Variants in AGMO observed in about 807,000 individuals in gnomAD.
The protein encoded by AGMO is alkylglycerol monooxygenase.
A neutral mutation model predicts 60.2 loss-of-function variants in AGMO; 75 were observed. The ratio of observed to expected loss-of-function variants is 1.25; its 90% CI spans 1.03 to 1.51. The LOEUF (loss-of-function observed/expected upper bound fraction) is 1.51. Ranked by LOEUF, AGMO falls within the 40% of genes most tolerant of loss-of-function variation. AGMO has a pLI of 0.00. For synonymous variants in AGMO, 261 were observed against 177.1 expected (o/e 1.47, Z -3.76); for missense variants, 763 against 525.5 (o/e 1.45, Z -4.42).
intron 12 of AGMO, among the ~76,000 whole-genome samples, chr7:15,276,739 A>G (rs946749628): frequency 5.3e-5 from 8 of 152,016 alleles, no homozygotes; most frequent in Non-Finnish European, 1.2e-4. Context: ...TATTTTTAAA[A>G]TCCTCTTTTC....
At chr7:15,543,359 C>G (rs892028834) in intron 3 of AGMO, among the ~76,000 whole-genome samples, 4 of 152,144 alleles carry the variant, frequency 2.6e-5, no homozygotes, top group Admixed American at 2.0e-4. Flanking sequence ...CTTCCATTTC[C>G]CTTTCTATAA....
At chr7:15,540,772 T>C (rs753782702) in intron 3 of AGMO, among the ~76,000 whole-genome samples, 1 of 152,242 alleles carries the variant, frequency 6.6e-6, no homozygotes, top group Non-Finnish European at 1.5e-5. Context: ...TTATATACTA[T>C]AGCATTCTGC....
At chr7:15,282,899 G>A (rs1784008207) in intron 12 of AGMO, among the ~76,000 whole-genome samples, 1 of 152,168 alleles carries the variant, frequency 6.6e-6, no homozygotes, top group South Asian at 2.1e-4. Flanking sequence ...CTTCTCAGCA[G>A]AAACCTTACA....
chr7:15,188,114 T>G, the AGMO span, among the ~76,000 whole-genome samples: 2 of 152,148 alleles, frequency 1.3e-5, no homozygotes, highest in Middle Eastern at 3.2e-3. Context: ...TTGGGTAGAC[T>G]GGTATGGGTC....
intron 10 of AGMO, among the ~76,000 whole-genome samples, chr7:15,370,864 C>T (rs1189150189): frequency 6.6e-6 from 1 of 152,122 alleles, no homozygotes; most frequent in Admixed American, 6.6e-5. Context: ...TTGATAGTTT[C>T]TTTTGCTGTG....
At chr7:15,191,217 C>T in the AGMO span, among the ~76,000 whole-genome samples, 1 of 151,982 alleles carries the variant, frequency 6.6e-6, no homozygotes, top group African/African-American at 2.4e-5. Flanking sequence ...AAATTTTAGA[C>T]CATTCAAGGA....
the AGMO span, among the ~76,000 whole-genome samples, chr7:15,172,528 C>T: frequency 7.9e-5 from 12 of 152,252 alleles, no homozygotes; most frequent in African/African-American, 2.6e-4. Flanking sequence ...TAAAACCTGC[C>T]ATGTGACTTA....
chr7:15,127,420 G>A, the AGMO span, among the ~76,000 whole-genome samples: 3 of 151,904 alleles, frequency 2.0e-5, no homozygotes, highest in African/African-American at 7.3e-5. Flanking sequence ...CGAGTAATAC[G>A]TAAATAAATC....
At chr7:15,266,915 T>C (rs1783448722) in intron 12 of AGMO, among the ~76,000 whole-genome samples, 1 of 151,842 alleles carries the variant, frequency 6.6e-6, no homozygotes, top group Non-Finnish European at 1.5e-5. Context: ...GACTAGCCAA[T>C]TGTCGAAATT....
rs570511243 is a variant in AGMO, at chr7:15,203,555, C to G, written c.1264-2196G>C. 1.3e-3 allele frequency among the ~76,000 whole-genome samples: 195 copies of G among 150,824 alleles called. 1 individual carries two copies. Among genetic ancestry groups the G allele is most frequent in the African/African-American group, 4.6e-3 (190 of 41,132 alleles). ...TGTTTCAGGCTCCTATGTGTTATCC[C>G]TTCAAAGAGATGTACAACTGGTTAA... is the stretch of plus-strand genomic sequence containing the variant. On this transcript the variant is annotated intron_variant, in intron 12 of 12. Transcript: ENST00000342526.
chr7:15,159,856 T>G, the AGMO span, among the ~76,000 whole-genome samples: 33 of 152,316 alleles, frequency 2.2e-4, no homozygotes, highest in Non-Finnish European at 4.1e-4. Context: ...GTCCTGCATA[T>G]TGTGTGGTCT....
At chr7:15,303,594 CT>C (rs1780519852) in intron 12 of AGMO, among the ~76,000 whole-genome samples, 1 of 152,026 alleles carries the variant, frequency 6.6e-6, no homozygotes. Context: ...ATGACCTCGG[CT>C]GTTTAACTGC....
intron 5 of AGMO, among the ~76,000 whole-genome samples, chr7:15,399,020 C>T (rs191553515): frequency 6.6e-3 from 1,000 of 152,194 alleles, no homozygotes; most frequent in Non-Finnish European, 0.012. Context: ...TTTTGTATTT[C>T]ATATTAGTTA....
chr7:15,355,709 T>C (rs956422623), intron 12 of AGMO, among the ~76,000 whole-genome samples: 1 of 152,110 alleles, frequency 6.6e-6, no homozygotes, highest in African/African-American at 2.4e-5. Context: ...TTAATAATAA[T>C]GGATGGTATA....
At chr7:15,178,981 C>G in the AGMO span, among the ~76,000 whole-genome samples, 1 of 152,090 alleles carries the variant, frequency 6.6e-6, no homozygotes, top group South Asian at 2.1e-4. Flanking sequence ...TTATAAGGAG[C>G]CCATTCCTGT....
the AGMO span, among the ~76,000 whole-genome samples, chr7:15,120,470 G>A: frequency 1.6e-4 from 25 of 152,168 alleles, no homozygotes; most frequent in African/African-American, 4.6e-4. Context: ...TGGAGCCTTC[G>A]GGAGGTAATT....
chr7:15,463,838 T>C (rs1782208044), intron 3 of AGMO, among the ~76,000 whole-genome samples: 1 of 152,220 alleles, frequency 6.6e-6, no homozygotes, highest in African/African-American at 2.4e-5. Flanking sequence ...GCTATGACCA[T>C]TTCAAACAAT....
intron 12 of AGMO, among the ~76,000 whole-genome samples, chr7:15,250,556 AACAC>A (rs35821350): frequency 0.16 from 23,683 of 148,984 alleles, 3,902 homozygotes; most frequent in African/African-American, 0.42. Flanking sequence ...ACACACACTA[AACAC>A]ACACACACAC....
chr7:15,558,818 A>G (rs978898), intron 2 of AGMO, among the ~76,000 whole-genome samples: 38,731 of 151,940 alleles, frequency 0.25, 7,422 homozygotes, highest in African/African-American at 0.55. Flanking sequence ...TTTTTTAGAT[A>G]TTTAAAGTTT....
Sources: gnomAD v4.1 joint callset for allele counts (sites outside exome capture counted in the v4.1 genomes callset) on GRCh38, gnomAD v4.1.1 for gene constraint, MANE v1.5 for transcripts, NCBI Gene and HGNC (gene_info 2026-07-23, HGNC 2026-07-21) for gene names.